Variants in MTNAP1 observed in about 807,000 individuals in gnomAD.
MTNAP1 encodes the protein mitochondrial nucleoid-associated protein 1.
At chr17:73,236,213 C>T in the MTNAP1 span, 1 of 1,614,122 alleles carries the variant, frequency 6.2e-7, no homozygotes, top group South Asian at 1.1e-5. Context: ...AGGGTAAGAA[C>T]ATTATTAAGC....
the MTNAP1 span, chr17:73,236,019 A>C: frequency 6.2e-7 from 1 of 1,614,098 alleles, no homozygotes; most frequent in Non-Finnish European, 8.5e-7. Context: ...GCTCAATAGA[A>C]CCTTCTTTGT....
the MTNAP1 span, chr17:73,245,813 CA>C: frequency 1.3e-6 from 1 of 742,014 alleles, no homozygotes; most frequent in Non-Finnish European, 1.6e-6. Flanking sequence ...ACATTTTATA[CA>C]TCTTAATTGA....
the MTNAP1 span, chr17:73,243,051 A>T: frequency 0.57 from 755,925 of 1,328,012 alleles, 208,227 homozygotes; most frequent in East Asian, 0.65. Context: ...CCATTCCGTT[A>T]TGTGGACCTC....
the MTNAP1 span, chr17:73,247,956 G>A: frequency 1.3e-5 from 2 of 154,096 alleles, no homozygotes; most frequent in South Asian, 4.1e-4. Flanking sequence ...AATAATTGAA[G>A]ATGTTTTCTC....
the MTNAP1 span, among the ~76,000 whole-genome samples, chr17:73,233,680 A>G: frequency 0.49 from 74,460 of 152,044 alleles, 18,535 homozygotes; most frequent in East Asian, 0.62. Flanking sequence ...CCTGGCCAAC[A>G]TGGTGAAACC....
chr17:73,236,072 T>C, the MTNAP1 span: 9 of 1,614,212 alleles, frequency 5.6e-6, no homozygotes, highest in African/African-American at 5.3e-5. Context: ...CCTAATGATG[T>C]ACAAACTACC....
the MTNAP1 span, chr17:73,247,094 T>G: frequency 1.8e-5 from 12 of 677,710 alleles, no homozygotes; most frequent in Non-Finnish European, 3.0e-5. Context: ...TGTTTTTGTA[T>G]GTAGTCAAAA....
chr17:73,246,722 G>A, the MTNAP1 span, among the ~76,000 whole-genome samples: 4 of 152,156 alleles, frequency 2.6e-5, no homozygotes, highest in Non-Finnish European at 5.9e-5. Context: ...CATAGTTAAG[G>A]TATTCAGCAA....
chr17:73,248,596 C>T, the MTNAP1 span: 2 of 1,509,856 alleles, frequency 1.3e-6, no homozygotes, highest in Non-Finnish European at 1.8e-6. Flanking sequence ...ATTCACCTTC[C>T]CATCCATCCC....
chr17:73,236,020 C>G, the MTNAP1 span: 2 of 1,614,018 alleles, frequency 1.2e-6, no homozygotes, highest in South Asian at 1.1e-5. Flanking sequence ...CTCAATAGAA[C>G]CTTCTTTGTC....
At chr17:73,236,592 G>C in the MTNAP1 span, 1 of 1,614,094 alleles carries the variant, frequency 6.2e-7, no homozygotes, top group Admixed American at 1.7e-5. Context: ...CTGTATCGCA[G>C]TCAAGTAGTC....
At chr17:73,248,680 A>G in the MTNAP1 span, 2 of 839,220 alleles carry the variant, frequency 2.4e-6, no homozygotes, top group African/African-American at 1.7e-5. Flanking sequence ...TGTTACTACA[A>G]GTTGGGAATA....
At chr17:73,248,577 G>A in the MTNAP1 span, 3,279 of 1,545,274 alleles carry the variant, frequency 2.1e-3, 56 homozygotes, top group African/African-American at 0.037. Context: ...ATCCATACAC[G>A]TAATCCATAT....
the MTNAP1 span, among the ~76,000 whole-genome samples, chr17:73,237,551 C>T: frequency 1.5e-4 from 23 of 152,144 alleles, no homozygotes; most frequent in South Asian, 2.1e-3. Flanking sequence ...GGCAGGCTGG[C>T]GATACTGAAA....
At chr17:73,241,733 C>T in the MTNAP1 span, among the ~76,000 whole-genome samples, 2 of 152,140 alleles carry the variant, frequency 1.3e-5, no homozygotes, top group Non-Finnish European at 2.9e-5. Flanking sequence ...AGTTCAAGAC[C>T]AGCCTGGCCA....
the MTNAP1 span, chr17:73,247,120 C>T: frequency 1.2e-6 from 1 of 817,152 alleles, no homozygotes; most frequent in Non-Finnish European, 2.0e-6. Flanking sequence ...AAAAACAAGC[C>T]CTGCTCATTT....
chr17:73,240,875 GT>G, the MTNAP1 span, among the ~76,000 whole-genome samples: 77,504 of 150,928 alleles, frequency 0.51, 19,914 homozygotes, highest in East Asian at 0.62. Context: ...AGATGAATGG[GT>G]TTTTTTTTTA....
the MTNAP1 span, chr17:73,244,690 A>G: frequency 6.9e-6 from 1 of 145,948 alleles, no homozygotes; most frequent in Non-Finnish European, 1.5e-5. Context: ...CATAATTCAC[A>G]CACTGGACTT....
chr17:73,235,845 A>T, the MTNAP1 span: 1 of 1,614,154 alleles, frequency 6.2e-7, no homozygotes, highest in South Asian at 1.1e-5. Flanking sequence ...CATCCTTCAA[A>T]ATGTTAAAAA....
Sources: gnomAD v4.1 joint callset for allele counts (sites outside exome capture counted in the v4.1 genomes callset) on GRCh38, gnomAD v4.1.1 for gene constraint, MANE v1.5 for transcripts, NCBI Gene and HGNC (gene_info 2026-07-23, HGNC 2026-07-21) for gene names.